CSMD3: variants seen among roughly 807,000 people sequenced by gnomAD.
The protein encoded by CSMD3 is CUB and sushi domain-containing protein 3.
CSMD3 carries 177 observed loss-of-function variants against 435.2 expected under a neutral mutation model. The observed-to-expected ratio is 0.41, with a 90% CI of 0.36 to 0.46. CSMD3 has a LOEUF of 0.46. Ranked by LOEUF, CSMD3 falls within the 20% of genes least tolerant of loss-of-function variation. The pLI, the probability that CSMD3 is intolerant of heterozygous loss-of-function variation, is 0.34. For missense variants in CSMD3, 4,265 were observed against 4,504.6 expected, an observed-to-expected ratio of 0.95 and a Z score of 1.52; for synonymous variants, 1,656 against 1,520.5, an observed-to-expected ratio of 1.09 and a Z score of -2.07.
At chr8:113,332,306 TAAAA>T (rs201831037) in intron 1 of CSMD3, among the ~76,000 whole-genome samples, 1 of 133,438 alleles carries the variant, frequency 7.5e-6, no homozygotes, top group Non-Finnish European at 1.6e-5. Flanking sequence ...TTCAATTGGT[TAAAA>T]AAAAAAAAAA....
intron 32 of CSMD3, among the ~76,000 whole-genome samples, chr8:112,434,725 A>G (rs1814122827): frequency 6.6e-6 from 1 of 152,096 alleles, no homozygotes; most frequent in South Asian, 2.1e-4. Context: ...ATGTGTTCAC[A>G]AGGATACATT....
intron 4 of CSMD3, among the ~76,000 whole-genome samples, chr8:113,148,284 C>T (rs1434989858): frequency 3.3e-5 from 5 of 151,578 alleles, no homozygotes; most frequent in African/African-American, 1.2e-4. Flanking sequence ...TATGACCCTA[C>T]CTCCCTCCTC....
chr8:112,533,237 A>G (rs1825712416), intron 27 of CSMD3, among the ~76,000 whole-genome samples: 1 of 152,048 alleles, frequency 6.6e-6, no homozygotes, highest in African/African-American at 2.4e-5. Flanking sequence ...TAACCAGAAA[A>G]AAAAGTAACA....
At chr8:112,901,556 A>C (rs1474283082) in intron 10 of CSMD3, among the ~76,000 whole-genome samples, 3 of 151,312 alleles carry the variant, frequency 2.0e-5, no homozygotes, top group African/African-American at 7.3e-5. Context: ...CTGAAAGTAA[A>C]TACACATGGC....
Position 112,737,831 on chromosome 8 carries a change from A to G in CSMD3, c.1973-47781T>C, listed in dbSNP as rs76212532. ...ATTTATACAATTCCGAAATGTAACA[A>G]TGAAGAAAAACCCCTTTTGATCTTT... On this transcript the variant is annotated intron_variant, in intron 13 of 70. Transcript: ENST00000297405. Among the ~76,000 whole-genome samples, 728 of 151,998 alleles carry G rather than the reference A, an allele frequency of 4.8e-3. 10 individuals are homozygous for G. The highest frequency in any genetic ancestry group is 0.017 in the African/African-American group (701 of 41,526).
intron 54 of CSMD3, among the ~76,000 whole-genome samples, chr8:112,293,068 A>G (rs570623462): frequency 1.3e-5 from 2 of 152,074 alleles, no homozygotes; most frequent in Non-Finnish European, 2.9e-5. Context: ...GGGAATAATT[A>G]AAGTTCATGT....
chr8:112,670,619 CAA>C (rs2075634260), intron 16 of CSMD3, among the ~76,000 whole-genome samples: 1 of 152,064 alleles, frequency 6.6e-6, no homozygotes, highest in African/African-American at 2.4e-5. Flanking sequence ...TATTGACGTG[CAA>C]AGAGTGAGTC....
At chr8:113,372,101 G>GCAAGGC (rs1292962168) in intron 1 of CSMD3, among the ~76,000 whole-genome samples, 1 of 152,110 alleles carries the variant, frequency 6.6e-6, no homozygotes, top group African/African-American at 2.4e-5. Context: ...TTGTGACTCT[G>GCAAGGC]CAAGGCCAGG....
At chr8:112,901,671 G>A (rs28411175) in intron 10 of CSMD3, among the ~76,000 whole-genome samples, 7,710 of 151,308 alleles carry the variant, frequency 0.051, 658 homozygotes, top group African/African-American at 0.17. Context: ...AGACAAGGAT[G>A]ATCAGGGATG....
intron 9 of CSMD3, among the ~76,000 whole-genome samples, chr8:112,938,105 G>C (rs1236829499): frequency 6.6e-6 from 1 of 152,124 alleles, no homozygotes; most frequent in Non-Finnish European, 1.5e-5. Flanking sequence ...AAGTCAGGCT[G>C]CTGGAACTGC....
At chr8:112,649,963 C>A (rs2075082390) in intron 19 of CSMD3, among the ~76,000 whole-genome samples, 198 bp downstream of exon 19, 1 of 152,038 alleles carries the variant, frequency 6.6e-6, no homozygotes, top group South Asian at 2.1e-4. Flanking sequence ...CAGATAGTAT[C>A]TTTAGGCATG....
intron 70 of CSMD3, among the ~76,000 whole-genome samples, chr8:112,226,859 C>T (rs1812609072): frequency 1.3e-5 from 2 of 152,150 alleles, no homozygotes; most frequent in African/African-American, 4.8e-5. Context: ...GATACAGCTT[C>T]ACATGCACTA....
chr8:112,576,596 T>C (rs2131313619), intron 23 of CSMD3, among the ~76,000 whole-genome samples: 1 of 151,938 alleles, frequency 6.6e-6, no homozygotes, highest in Non-Finnish European at 1.5e-5. Flanking sequence ...ATGGTGTGAT[T>C]ATGACTCACT....
chr8:113,336,796 C>A (rs1160769646), intron 1 of CSMD3, among the ~76,000 whole-genome samples: 3 of 152,076 alleles, frequency 2.0e-5, no homozygotes, highest in Admixed American at 1.3e-4. Context: ...AGTCCAGGAT[C>A]CAGTGTTTAC....
chr8:112,695,923 T>A (rs1012287207), intron 13 of CSMD3, among the ~76,000 whole-genome samples: 3 of 152,124 alleles, frequency 2.0e-5, no homozygotes, highest in Admixed American at 1.3e-4. Context: ...TCACAAGCAT[T>A]CTTATACACC....
At chr8:113,341,648 T>TA in intron 1 of CSMD3, among the ~76,000 whole-genome samples, 1 of 152,160 alleles carries the variant, frequency 6.6e-6, no homozygotes, top group Non-Finnish European at 1.5e-5. Context: ...CTGAGGGAAA[T>TA]AAAAAATGTT....
chr8:112,272,784 C>T (rs969179200), intron 59 of CSMD3, among the ~76,000 whole-genome samples: 2 of 152,170 alleles, frequency 1.3e-5, no homozygotes, highest in Non-Finnish European at 2.9e-5. Context: ...CACATATAAA[C>T]ACTATCACTA....
chr8:112,434,400 TATC>T (rs1338743698), intron 32 of CSMD3, among the ~76,000 whole-genome samples: 1 of 152,172 alleles, frequency 6.6e-6, no homozygotes, highest in Non-Finnish European at 1.5e-5. Flanking sequence ...GCTAATTTGC[TATC>T]ATCATCATTG....
At chr8:113,087,785 G>T (rs1475937185) in intron 5 of CSMD3, among the ~76,000 whole-genome samples, 2 of 152,076 alleles carry the variant, frequency 1.3e-5, no homozygotes, top group Admixed American at 6.6e-5. Flanking sequence ...TACCATTCAG[G>T]ACATAGGCAT....
Sources: allele counts gnomAD v4.1 joint callset (sites outside exome capture counted in the v4.1 genomes callset), GRCh38; gene constraint gnomAD v4.1.1; transcripts MANE v1.5; gene names NCBI Gene and HGNC (gene_info 2026-07-23, HGNC 2026-07-21).